Variants in TRHDE observed in about 807,000 individuals in gnomAD.
TRHDE encodes the protein thyrotropin-releasing hormone-degrading ectoenzyme.
TRHDE carries 72 observed loss-of-function variants against 125.7 expected under a neutral mutation model. The ratio of observed to expected loss-of-function variants is 0.57; its 90% CI spans 0.47 to 0.70. The LOEUF is 0.70. TRHDE is among the 30% of genes least tolerant of loss of function. The pLI is 0.00. For synonymous variants in TRHDE, 509 were observed against 509.1 expected (o/e 1.00, Z 0.00); for missense variants, 1,110 against 1,327.1 (o/e 0.84, Z 2.54).
chr12:72,481,308 T>A (rs1354412052), intron 5 of TRHDE, among the ~76,000 whole-genome samples: 3 of 147,826 alleles, frequency 2.0e-5, no homozygotes, highest in African/African-American at 7.5e-5. Flanking sequence ...AAGTAGTGAG[T>A]TCAAGTGATA....
At chr12:72,540,863 C>G (rs148554588) in intron 6 of TRHDE, among the ~76,000 whole-genome samples, 1 of 151,686 alleles carries the variant, frequency 6.6e-6, no homozygotes, top group African/African-American at 2.4e-5. Flanking sequence ...AGGCATAAAA[C>G]TATTATATTT....
At chr12:72,380,642 G>A (rs1872098162) in intron 3 of TRHDE, among the ~76,000 whole-genome samples, 1 of 152,136 alleles carries the variant, frequency 6.6e-6, no homozygotes, top group African/African-American at 2.4e-5. Flanking sequence ...AGAAGTAGAT[G>A]ACACGGTCAA....
At chr12:72,468,791 A>C (rs1876505466) in intron 3 of TRHDE, among the ~76,000 whole-genome samples, 1 of 152,228 alleles carries the variant, frequency 6.6e-6, no homozygotes, top group Non-Finnish European at 1.5e-5. Flanking sequence ...GCCAGTGCCC[A>C]GCAGGCCTGT....
chr12:72,114,516 T>C (rs1191951257), intron 2 of TRHDE, among the ~76,000 whole-genome samples: 1 of 152,138 alleles, frequency 6.6e-6, no homozygotes, highest in East Asian at 1.9e-4. Flanking sequence ...TTCCATTAAG[T>C]GGAAGTAGAT....
chr12:72,373,574 T>C (rs1565717589), intron 2 of TRHDE, among the ~76,000 whole-genome samples: 1 of 152,142 alleles, frequency 6.6e-6, no homozygotes, highest in South Asian at 2.1e-4. Flanking sequence ...AAATAAAACT[T>C]ATATTTTGCT....
chr12:72,129,041 G>T (rs1300705947), intron 2 of TRHDE, among the ~76,000 whole-genome samples: 2 of 152,158 alleles, frequency 1.3e-5, no homozygotes, highest in Non-Finnish European at 2.9e-5. Flanking sequence ...AGCAGCCAGA[G>T]AATATGTCAC....
At chr12:72,349,720 AC>A (rs1310240773) in intron 2 of TRHDE, among the ~76,000 whole-genome samples, 2 of 152,048 alleles carry the variant, frequency 1.3e-5, no homozygotes, top group Admixed American at 6.6e-5. Flanking sequence ...GAAGACCAAG[AC>A]ATGTGGCCTT....
At chr12:72,430,466 T>TAC (rs1393499325) in intron 3 of TRHDE, among the ~76,000 whole-genome samples, 1 of 149,444 alleles carries the variant, frequency 6.7e-6, no homozygotes, top group African/African-American at 2.5e-5. Context: ...TGTATATATA[T>TAC]ACACACATAT....
chr12:72,408,726 C>T (rs902242885), intron 3 of TRHDE, among the ~76,000 whole-genome samples: 2 of 151,982 alleles, frequency 1.3e-5, no homozygotes, highest in East Asian at 3.9e-4. Context: ...CAAACTTTTA[C>T]AAAAGAGAAA....
chr12:72,553,850 T>C (rs1404134408), intron 7 of TRHDE, among the ~76,000 whole-genome samples: 2 of 119,234 alleles, frequency 1.7e-5, no homozygotes, highest in Admixed American at 1.1e-4. Flanking sequence ...CTTTTCCTTC[T>C]TTTTTTTTTT....
chr12:72,667,603 A>G lies in TRHDE; in HGVS notation c.*4408A>G, dbSNP rs1875154024. On this transcript the variant is annotated 3_prime_UTR_variant, in exon 19 of 19. Transcript: ENST00000261180. ...CAAGGGAATGAGGGCAACAGGAAAA[A>G]TAATTCCTTGCTACAGACGGGAAGT... 1 of 151,816 alleles carries G rather than the reference A, an allele frequency of 6.6e-6. No individual in the cohort carries two copies. Among genetic ancestry groups the G allele is most frequent in the African/African-American group, 2.4e-5 (1 of 41,434 alleles). 9.4% of individuals were successfully genotyped at this position (151,816 alleles called of 1,614,324 possible). A position where few individuals can be genotyped will look rare whatever the true frequency, so the allele number is the denominator to read the frequency against.
chr12:72,492,103 G>A (rs1205298000), intron 5 of TRHDE, among the ~76,000 whole-genome samples: 1 of 151,950 alleles, frequency 6.6e-6, no homozygotes, highest in African/African-American at 2.4e-5. Flanking sequence ...TAAATGGACT[G>A]TTTTAACAGG....
intron 2 of TRHDE, among the ~76,000 whole-genome samples, chr12:72,230,443 T>C (rs1878225062): frequency 6.6e-6 from 1 of 152,202 alleles, no homozygotes; most frequent in Non-Finnish European, 1.5e-5. Flanking sequence ...ACATGTTTTC[T>C]AATGTATCAA....
intron 3 of TRHDE, among the ~76,000 whole-genome samples, chr12:72,454,824 C>T (rs945501047): frequency 6.6e-6 from 1 of 152,184 alleles, no homozygotes. Context: ...ATGAACCACA[C>T]CTTGGAGTAA....
intron 3 of TRHDE, among the ~76,000 whole-genome samples, chr12:72,408,193 A>G (rs147899525): frequency 3.9e-4 from 60 of 152,320 alleles, no homozygotes; most frequent in African/African-American, 7.0e-4. Context: ...TAATAGTGAC[A>G]TTAATCTATT....
intron 10 of TRHDE, among the ~76,000 whole-genome samples, chr12:72,570,578 C>CAA (rs572094533): frequency 0.012 from 701 of 58,386 alleles, 80 homozygotes; most frequent in Non-Finnish European, 0.016. Flanking sequence ...GAGACTGTCT[C>CAA]AAAAAAAAAA....
intron 2 of TRHDE, among the ~76,000 whole-genome samples, chr12:72,258,646 G>A (rs1473515192): frequency 6.6e-6 from 1 of 152,162 alleles, no homozygotes; most frequent in Non-Finnish European, 1.5e-5. Context: ...CCCGATTCAA[G>A]TTTTGCCAGT....
At position 72,563,034 on chromosome 12, in the gene TRHDE, AT is replaced by A; in HGVS notation, c.2037del (p.Asn679LysfsTer10). 6.3e-7 allele frequency: 1 copy of A among 1,588,696 alleles called. No homozygotes were observed. Among genetic ancestry groups the A allele is most frequent in the Non-Finnish European group, 8.6e-7 (1 of 1,165,942 alleles). The stretch of plus-strand genomic sequence containing the variant: ...AAAACTAAAGCACTTAAACTTCAGA[AT>A]AACAGGTATGACATTCTTTTTTACG... ...SAKTKALKLQNNSYLWQIPLT... is the reference protein window; with the variant it reads ...SAKTKALKLQXNSYLWQIPLT... On this transcript the variant is annotated frameshift_variant, in exon 9 of 19. Transcript: ENST00000261180. LOFTEE classifies it high-confidence loss of function.
At chr12:72,216,160 A>G (rs746496656) in intron 2 of TRHDE, among the ~76,000 whole-genome samples, 2 of 152,154 alleles carry the variant, frequency 1.3e-5, no homozygotes, top group Non-Finnish European at 2.9e-5. Flanking sequence ...CGAGCTTTAT[A>G]CTTTCCAGAA....
Sources: allele counts gnomAD v4.1 joint callset (sites outside exome capture counted in the v4.1 genomes callset), GRCh38; gene constraint gnomAD v4.1.1; transcripts MANE v1.5; gene names NCBI Gene and HGNC (gene_info 2026-07-23, HGNC 2026-07-21).